WAPL: variants seen among roughly 807,000 people sequenced by gnomAD.
The protein encoded by WAPL is wings apart-like protein homolog.
Under a neutral mutation model 121.0 loss-of-function variants are expected in WAPL, and 5 were observed. The ratio of observed to expected loss-of-function variants is 0.04; its 90% CI spans 0.02 to 0.09. The LOEUF (loss-of-function observed/expected upper bound fraction) is 0.09, where lower values mean the gene tolerates loss of function less well. Among genes scored for constraint, WAPL ranks in the 10% least tolerant of loss-of-function variants. WAPL has a pLI of 1.00. For missense variants in WAPL, 999 were observed against 1,410.8 expected (o/e 0.71, Z 4.68); for synonymous variants, 480 against 481.5 (o/e 1.00, Z 0.04).
intron 9 of WAPL, among the ~76,000 whole-genome samples, chr10:86,463,650 A>G (rs1055597998): frequency 1.3e-5 from 2 of 152,254 alleles, no homozygotes; most frequent in Non-Finnish European, 2.9e-5. Context: ...TATGGTGTTT[A>G]TCAAGTCTAC....
chr10:86,453,392 T>C, intron 13 of WAPL, 57 bp from the exon 14 acceptor site: 2 of 1,528,886 alleles, frequency 1.3e-6, no homozygotes, highest in Non-Finnish European at 1.8e-6. Context: ...AGAACACTAA[T>C]AATGGAGATT....
chr10:86,464,951 T>C (rs1174770270), intron 9 of WAPL, among the ~76,000 whole-genome samples: 2 of 152,270 alleles, frequency 1.3e-5, no homozygotes, highest in East Asian at 3.8e-4. Context: ...CACAATCTTA[T>C]AAAGTGAAAA....
At chr10:86,470,921 TA>T in intron 8 of WAPL, 70 bp downstream of exon 8, 1 of 1,217,552 alleles carries the variant, frequency 8.2e-7, no homozygotes, top group Admixed American at 2.1e-5. Context: ...TCAGTGAAGA[TA>T]TTTTTGATAG....
chr10:86,491,761 T>C (rs1842053016), intron 4 of WAPL, among the ~76,000 whole-genome samples: 2 of 151,792 alleles, frequency 1.3e-5, no homozygotes, highest in African/African-American at 4.8e-5. Context: ...AAATCAACTA[T>C]AAAACATTTA....
chr10:86,460,392 T>C lies in WAPL; in HGVS notation c.2580+7A>G. On this transcript the variant is annotated splice_region_variant and intron_variant, in intron 11 of 18. Coordinates refer to ENST00000298767, the MANE Select transcript of WAPL (RefSeq NM_015045.5). ...ATAATTTTTGCCAAATAGTCATCCATACTTACACTTTCTAAAACTCGTAAA... is the reference window on the plus strand; with the variant it reads ...ATAATTTTTGCCAAATAGTCATCCACACTTACACTTTCTAAAACTCGTAAA... 9 of 1,612,912 alleles carry C rather than the reference T, an allele frequency of 5.6e-6. No homozygotes were observed. Among genetic ancestry groups the C allele is most frequent in the Non-Finnish European group, 6.8e-6 (8 of 1,179,412 alleles).
intron 12 of WAPL, among the ~76,000 whole-genome samples, chr10:86,457,762 A>ATT (rs764356348): frequency 8.5e-5 from 13 of 152,218 alleles, no homozygotes; most frequent in Non-Finnish European, 1.8e-4. Flanking sequence ...GAGACTAGAA[A>ATT]TTTGAGACTA....
intron 7 of WAPL, among the ~76,000 whole-genome samples, 165 bp from the exon 8 acceptor site, chr10:86,471,268 T>C (rs1180782305): frequency 6.6e-6 from 1 of 152,164 alleles, no homozygotes; most frequent in East Asian, 1.9e-4. Flanking sequence ...TTATTAAAAA[T>C]ATACTGATGC....
chr10:86,441,066 G>A (rs531843910), intron 17 of WAPL, among the ~76,000 whole-genome samples: 1 of 152,102 alleles, frequency 6.6e-6, no homozygotes, highest in Non-Finnish European at 1.5e-5. Flanking sequence ...GCTTCCTGCT[G>A]AAACTAATGC....
Position 86,500,183 on chromosome 10 carries a change from G to C in WAPL, c.1060C>G (p.Arg354Gly). 6.2e-7 allele frequency: 1 copy of C among 1,614,098 alleles called. No homozygotes were observed. Reference sequence around the variant, plus strand: ...TGTAAAACAGTGTAATCTCTAGTCCGTCCAACTGTCCCTCTAAAACTGGTC... The same window carrying C: ...TGTAAAACAGTGTAATCTCTAGTCCCTCCAACTGTCCCTCTAAAACTGGTC... The part of the protein sequence containing the change: ...CGTSFRGTVG[R>G]TRDYTVLHPS... Residue 354 changes from arginine to glycine, a missense_variant, in exon 3 of 19, where the codon CGG (arginine) becomes GGG (glycine). Coordinates refer to ENST00000298767, the MANE Select transcript of WAPL (RefSeq NM_015045.5).
At chr10:86,511,957 T>C (rs1317184173) in intron 2 of WAPL, among the ~76,000 whole-genome samples, 1 of 150,758 alleles carries the variant, frequency 6.6e-6, no homozygotes, top group Non-Finnish European at 1.5e-5. Context: ...AAATAATAGG[T>C]CTTATCCACT....
chr10:86,465,192 GT>G (rs1231650652), intron 9 of WAPL, among the ~76,000 whole-genome samples: 1 of 152,020 alleles, frequency 6.6e-6, no homozygotes, highest in East Asian at 1.9e-4. Context: ...TTTGTCTTTT[GT>G]TTGTTTGGTT....
chr10:86,510,073 T>C (rs1326022588), intron 2 of WAPL, among the ~76,000 whole-genome samples: 2 of 134,668 alleles, frequency 1.5e-5, no homozygotes, highest in Admixed American at 7.3e-5. Flanking sequence ...CCGGCCTTTT[T>C]TTTTTTTTTT....
At chr10:86,480,267 C>A (rs1841753005) in intron 4 of WAPL, among the ~76,000 whole-genome samples, 1 of 152,190 alleles carries the variant, frequency 6.6e-6, no homozygotes, top group Non-Finnish European at 1.5e-5. Context: ...CAATTCCTAT[C>A]TTCATGAAGA....
intron 16 of WAPL, 105 bp downstream of exon 16, chr10:86,446,137 A>G: frequency 3.1e-6 from 4 of 1,277,050 alleles, no homozygotes; most frequent in Non-Finnish European, 4.4e-6. Flanking sequence ...GAGGTCCTCA[A>G]GCAATAGCCA....
chr10:86,450,404 T>G (rs918988249), intron 15 of WAPL, among the ~76,000 whole-genome samples: 2 of 152,100 alleles, frequency 1.3e-5, no homozygotes, highest in Non-Finnish European at 2.9e-5. Context: ...CTCAACCAAC[T>G]GTTTTATTTT....
chr10:86,483,802 T>TTC (rs1377029066), intron 4 of WAPL, among the ~76,000 whole-genome samples: 69 of 136,402 alleles, frequency 5.1e-4, no homozygotes, highest in Admixed American at 3.0e-3. Flanking sequence ...TTCTTTTTTT[T>TTC]TTTTTTTTTT....
chr10:86,519,488 A>C (rs1485828581), intron 1 of WAPL, among the ~76,000 whole-genome samples: 1 of 151,480 alleles, frequency 6.6e-6, no homozygotes, highest in African/African-American at 2.4e-5. Context: ...ATATAAATTC[A>C]GTAGTAGACC....
At position 86,488,092 on chromosome 10, in the gene WAPL, A is replaced by G. The variant is rs189933883; in HGVS notation, c.1644+9109T>C. 1.1e-4 allele frequency among the ~76,000 whole-genome samples: 17 copies of G among 152,256 alleles called. No homozygotes were observed. In the East Asian group the frequency reaches 3.1e-3, roughly 28 times the overall value. On this transcript the variant is annotated intron_variant, in intron 4 of 18. Transcript: ENST00000298767. ...ACATGTGGAGGATAATGGAAACCAG[A>G]TTTCTCTCGGCGAAGGGAATTAAAA...
intron 9 of WAPL, among the ~76,000 whole-genome samples, chr10:86,461,890 G>A (rs762970830): frequency 6.6e-6 from 1 of 152,084 alleles, no homozygotes; most frequent in Non-Finnish European, 1.5e-5. Context: ...ATTATTTGGT[G>A]TATTTTGTCT....
Sources: gnomAD v4.1 joint callset for allele counts (sites outside exome capture counted in the v4.1 genomes callset) on GRCh38, gnomAD v4.1.1 for gene constraint, MANE v1.5 for transcripts, NCBI Gene and HGNC (gene_info 2026-07-23, HGNC 2026-07-21) for gene names.